Variants in LRCH4 observed in about 807,000 individuals in gnomAD.
The protein encoded by LRCH4 is leucine-rich repeat and calponin homology domain-containing protein 4.
Under a neutral mutation model 81.2 loss-of-function variants are expected in LRCH4, and 56 were observed. That is an observed-to-expected ratio of 0.69 (90% CI 0.56 to 0.86). The LOEUF is 0.86. LRCH4 is among the 40% of genes least tolerant of loss of function. The pLI is 0.00. For missense variants in LRCH4, 895 were observed against 922.8 expected (o/e 0.97, Z 0.39); for synonymous variants, 442 against 409.7 (o/e 1.08, Z -0.95).
Position 100,574,427 on chromosome 7 carries a change from G to C in LRCH4, c.*680C>G, listed in dbSNP as rs1342912269. The C allele has an allele frequency of 1.3e-5, 2 of 154,206 alleles. No individual in the cohort carries two copies. Among genetic ancestry groups the C allele is most frequent in the East Asian group, 3.9e-4 (2 of 5,156 alleles). 9.6% of individuals were successfully genotyped at this position (154,206 alleles called of 1,614,324 possible). A position where few individuals can be genotyped will look rare whatever the true frequency, so the allele number is the denominator to read the frequency against. On this transcript the variant is annotated 3_prime_UTR_variant, in exon 18 of 18. Coordinates refer to ENST00000310300, the MANE Select transcript of LRCH4 (RefSeq NM_002319.5). The stretch of plus-strand genomic sequence containing the variant: ...CTTCCGGCCTGTGGCAGGGGGTCGG[G>C]GGCAGACCCGAGCATCACCGTGCGC...
At position 100,574,125 on chromosome 7, in the gene LRCH4, C is replaced by T. The variant is rs928081279; in HGVS notation, c.*982G>A. On this transcript the variant is annotated 3_prime_UTR_variant, in exon 18 of 18. Coordinates refer to ENST00000310300, the MANE Select transcript of LRCH4 (RefSeq NM_002319.5). Reference sequence around the variant, plus strand: ...CCCTCGACCCCAGAGGCAGCCAGGCCGGCAGGCCAAGGGTGCCCAGGCCCA... The same window carrying T: ...CCCTCGACCCCAGAGGCAGCCAGGCTGGCAGGCCAAGGGTGCCCAGGCCCA... 2 of 154,678 alleles carry T rather than the reference C, an allele frequency of 1.3e-5. No individual in the cohort carries two copies. Among genetic ancestry groups the T allele is most frequent in the African/African-American group, 2.4e-5 (1 of 41,470 alleles). 9.6% of individuals were successfully genotyped at this position (154,678 alleles called of 1,614,324 possible). A position where few individuals can be genotyped will look rare whatever the true frequency, so the allele number is the denominator to read the frequency against.
At position 100,575,890 on chromosome 7, in the gene LRCH4, T is replaced by C; in HGVS notation, c.1757A>G (p.His586Arg). ...QLRPRSVPFI[H>R]VPSPAVPKLS... The stretch of plus-strand genomic sequence containing the variant: ...ACTGACCACAGCAGGGGAGGGCACA[T>C]GGATGAAGGGCACGGAGCGCGGCCG... The change falls in exon 16 of 18, where the codon CAT becomes CGT. Residue 586 changes from histidine (H) to arginine (R), a missense_variant. Around this residue, in one of 3 missense-constraint regions of LRCH4, gnomAD observed 529 missense variants for 504.9 expected, o/e 1.05. Coordinates refer to ENST00000310300, the MANE Select transcript of LRCH4 (RefSeq NM_002319.5). This position sits in a 1 kb window ranked among gnomAD's most constrained non-coding sequence, Gnocchi z 5.3. 1 of 1,613,498 alleles carries C rather than the reference T, an allele frequency of 6.2e-7. No homozygotes were observed. Among genetic ancestry groups the C allele is most frequent in the Non-Finnish European group, 8.5e-7 (1 of 1,179,738 alleles).
intron 13 of LRCH4, 32 bp from the exon 14 acceptor site, chr7:100,576,809 G>T (rs1213244745): frequency 2.6e-6 from 4 of 1,557,880 alleles, no homozygotes; most frequent in Non-Finnish European, 3.5e-6. Context: ...CAGCGACAGG[G>T]GCAGGTGAGA....
chr7:100,584,844 C>G (rs1297709859), intron 1 of LRCH4: 1 of 452,288 alleles, frequency 2.2e-6, no homozygotes, highest in African/African-American at 2.0e-5. Context: ...GGTCCCCCAC[C>G]GTGCAGATGA....
At chr7:100,584,211 C>A (rs189626695) in intron 1 of LRCH4, 354 of 456,514 alleles carry the variant, frequency 7.8e-4, no homozygotes, top group Non-Finnish European at 1.3e-3. Context: ...GTATGGGCAA[C>A]TGTATGTTTT....
At position 100,582,418 on chromosome 7, in the gene LRCH4, A is replaced by T; in HGVS notation, c.262T>A (p.Cys88Ser). The part of the protein sequence containing the change: ...NRFPEVPEAA[C>S]QLVSLEGLSL... Reference sequence around the variant, plus strand: ...AGGCCCTCCAGGGACACCAGCTGGCACGCCGCCTCGGGCACCTCGGGAAAC... The same window carrying T: ...AGGCCCTCCAGGGACACCAGCTGGCTCGCCGCCTCGGGCACCTCGGGAAAC... The change falls in exon 2 of 18, where the codon TGC becomes AGC. Residue 88 changes from cysteine to serine, a missense_variant. Coordinates refer to ENST00000310300, the MANE Select transcript of LRCH4 (RefSeq NM_002319.5). The surrounding 1 kb of genome is among the most constrained non-coding windows in gnomAD (Gnocchi z 5.0). 3 of 1,613,096 alleles carry T rather than the reference A, an allele frequency of 1.9e-6. No homozygotes were observed. Among genetic ancestry groups the T allele is most frequent in the Non-Finnish European group, 2.5e-6 (3 of 1,179,964 alleles).
In LRCH4 at chr7:100,584,889, G is replaced by A. The variant is rs59009660; in HGVS notation, c.220+992C>T. On this transcript the variant is annotated intron_variant, in intron 1 of 17. Transcript: ENST00000310300. ...GAGGCCTGGGCTGGGGTGAGGCTTCGGGAATGCAGTCCTCCTCCCTGATCC... is the reference window on the plus strand; with the variant it reads ...GAGGCCTGGGCTGGGGTGAGGCTTCAGGAATGCAGTCCTCCTCCCTGATCC... 1,086 of 416,132 alleles carry A rather than the reference G, an allele frequency of 2.6e-3. 16 individuals carry two copies. Among genetic ancestry groups the A allele is most frequent in the African/African-American group, 0.019 (960 of 49,318 alleles). 25.8% of individuals were successfully genotyped at this position (416,132 alleles called of 1,614,324 possible).
chr7:100,576,886 A>T lies in LRCH4; in HGVS notation c.1468+16T>A, dbSNP rs768691471. On this transcript the variant is annotated intron_variant, in intron 13 of 17. Coordinates refer to ENST00000310300, the MANE Select transcript of LRCH4 (RefSeq NM_002319.5). ...CCAACACAGGCCCCATCCTCCTCCC[A>T]AAATCCCTGTCCCACCTGGTCCAGC... 190 of 1,543,782 alleles carry T rather than the reference A, an allele frequency of 1.2e-4. 4 individuals carry two copies. The South Asian group carries it at 2.1e-3, about 17-fold the overall frequency.
At position 100,586,088 on chromosome 7, in the gene LRCH4, C is replaced by G. The variant is rs1176674621; in HGVS notation, c.13G>C (p.Val5Leu). MAAA[V>L]AAPLAAGGEE... Reference sequence around the variant, plus strand: ...CCCCCGGCGGCGAGTGGAGCCGCTACGGCCGCCGCCATCCGCTCCCGGCGG... The same window carrying G: ...CCCCCGGCGGCGAGTGGAGCCGCTAGGGCCGCCGCCATCCGCTCCCGGCGG... The change falls in exon 1 of 18, where the codon GTA becomes CTA. Residue 5 changes from valine to leucine, a missense_variant. Around this residue, in one of 3 missense-constraint regions of LRCH4, gnomAD observed 360 missense variants for 397.0 expected, o/e 0.91. Coordinates refer to ENST00000310300, the MANE Select transcript of LRCH4 (RefSeq NM_002319.5). The G allele has an allele frequency of 6.5e-7, 1 of 1,528,366 alleles. No individual in the cohort carries two copies. The highest frequency in any genetic ancestry group is 1.2e-5 in the South Asian group (1 of 82,964). 94.7% of individuals were successfully genotyped at this position (1,528,366 alleles called of 1,614,324 possible). A position where few individuals can be genotyped will look rare whatever the true frequency, so the allele number is the denominator to read the frequency against.
At position 100,586,112 on chromosome 7, in the gene LRCH4, G is replaced by A. The variant is rs1341601963; in HGVS notation, c.-12C>T. The A allele has an allele frequency of 7.9e-6, 12 of 1,509,878 alleles. No homozygotes were observed. Among genetic ancestry groups the A allele is most frequent in the Non-Finnish European group, 1.1e-5 (12 of 1,124,790 alleles). 93.5% of individuals were successfully genotyped at this position (1,509,878 alleles called of 1,614,324 possible). A position where few individuals can be genotyped will look rare whatever the true frequency, so the allele number is the denominator to read the frequency against. On this transcript the variant is annotated 5_prime_UTR_variant, in exon 1 of 18. Coordinates refer to ENST00000310300, the MANE Select transcript of LRCH4 (RefSeq NM_002319.5). The stretch of plus-strand genomic sequence containing the variant: ...ACGGCCGCCGCCATCCGCTCCCGGC[G>A]GCTCCCGCTGCCTGACTGACGGGAC...
chr7:100,577,582 C>T lies in LRCH4; in HGVS notation c.1117-24G>A, dbSNP rs1384345586. The T allele has an allele frequency of 6.2e-7, 1 of 1,611,346 alleles. No homozygotes were observed. The highest frequency in any genetic ancestry group is 1.3e-5 in the African/African-American group (1 of 74,918). On this transcript the variant is annotated intron_variant, in intron 9 of 17. Coordinates refer to ENST00000310300, the MANE Select transcript of LRCH4 (RefSeq NM_002319.5). The surrounding 1 kb of genome is among the most constrained non-coding windows in gnomAD (Gnocchi z 6.7). Reference sequence around the variant, plus strand: ...TCCTAAGGAGAGAACAGCAGAGCAGCTGAGGGCAGGCCTGTGCCCACGCCT... The same window carrying T: ...TCCTAAGGAGAGAACAGCAGAGCAGTTGAGGGCAGGCCTGTGCCCACGCCT...
rs1419906699 is a variant in LRCH4, at chr7:100,578,024, C to G, written c.949-112G>C. The G allele has an allele frequency of 6.2e-6, 8 of 1,298,068 alleles. No homozygotes were observed. Among genetic ancestry groups the G allele is most frequent in the African/African-American group, 1.5e-5 (1 of 68,098 alleles). The allele number at this position is 1,298,068 out of a possible 1,614,324, so 80.4% of individuals were successfully genotyped here. ...GGGTCTCTGCTGAGCCAGCCCTTCC[C>G]TGGGATGCTGGGCAGAGGGAAGGAA... On this transcript the variant is annotated intron_variant, in intron 7 of 17. Transcript: ENST00000310300. The surrounding 1 kb of genome is among the most constrained non-coding windows in gnomAD (Gnocchi z 5.7).
Position 100,578,711 on chromosome 7 carries a change from C to T in LRCH4, c.674G>A (p.Arg225His), listed in dbSNP as rs372575327. The T allele has an allele frequency of 7.4e-6, 12 of 1,614,006 alleles. No homozygotes were observed. The highest frequency in any genetic ancestry group is 1.7e-4 in the Middle Eastern group (1 of 6,056). Residue 225 changes from arginine to histidine, a missense_variant, in exon 5 of 18, where the codon CGC becomes CAC. Coordinates refer to ENST00000310300, the MANE Select transcript of LRCH4 (RefSeq NM_002319.5). The surrounding 1 kb of genome is among the most constrained non-coding windows in gnomAD (Gnocchi z 5.7). ...RVSRIPVSFC[R>H]LRHLQVILLD... ...CAGAATGACCTGCAGGTGCCTCAGG[C>T]GGCAGAAGGAGACTGGGATTCGGGA...
chr7:100,585,797 G>A lies in LRCH4; in HGVS notation c.220+84C>T, dbSNP rs913467217. 6 of 1,393,212 alleles carry A rather than the reference G, an allele frequency of 4.3e-6. No homozygotes were observed. The African/African-American group carries it at 6.0e-5, about 14-fold the overall frequency. The allele number at this position is 1,393,212 out of a possible 1,614,324, so 86.3% of individuals were successfully genotyped here. On this transcript the variant is annotated intron_variant, in intron 1 of 17. Transcript: ENST00000310300. ...CCCTGGCCGCCAGGTGAAGGGGCGGGCCCGACTCCCGGGCCGGGCGGGGCC... is the reference window on the plus strand; with the variant it reads ...CCCTGGCCGCCAGGTGAAGGGGCGGACCCGACTCCCGGGCCGGGCGGGGCC...
At position 100,575,192 on chromosome 7, in the gene LRCH4, G is replaced by C. The variant is rs766041503; in HGVS notation, c.1967C>G (p.Pro656Arg). ...GGKALPPLWP[P>R]SGLGGFVVFY... ...GACGACGAAGCCGCCCAGACCAGAG[G>C]GGGGCCAGAGGGGCGGTAGGGCCTT... The change falls in exon 18 of 18, where the codon CCC becomes CGC. Residue 656 changes from proline (P) to arginine (R), a missense_variant. By Grantham distance (103) the Pro-to-Arg change is moderately radical. This residue lies in a region of LRCH4 where 529 missense variants were observed against 504.9 expected (regional missense o/e 1.05). Coordinates refer to ENST00000310300, the MANE Select transcript of LRCH4 (RefSeq NM_002319.5). The surrounding 1 kb of genome is among the most constrained non-coding windows in gnomAD (Gnocchi z 5.3). 117 of 1,612,832 alleles carry C rather than the reference G, an allele frequency of 7.3e-5. No individual in the cohort carries two copies. The highest frequency in any genetic ancestry group is 1.6e-4 in the East Asian group (7 of 44,868).
At position 100,579,005 on chromosome 7, in the gene LRCH4, G is replaced by A. The variant is rs1008900957; in HGVS notation, c.599-219C>T. Reference sequence around the variant, plus strand: ...GAGCCTCCCTGAGAGGGCCCATCTGGACGTCAGCTCAGCTTCCCCGGGAAG... The same window carrying A: ...GAGCCTCCCTGAGAGGGCCCATCTGAACGTCAGCTCAGCTTCCCCGGGAAG... On this transcript the variant is annotated intron_variant, in intron 4 of 17. Transcript: ENST00000310300. 142 of 566,884 alleles carry A rather than the reference G, an allele frequency of 2.5e-4. 1 individual carries two copies. Among genetic ancestry groups the A allele is most frequent in the Non-Finnish European group, 1.9e-4 (61 of 321,826 alleles). 35.1% of individuals were successfully genotyped at this position (566,884 alleles called of 1,614,324 possible). A position where few individuals can be genotyped will look rare whatever the true frequency, so the allele number is the denominator to read the frequency against.
chr7:100,574,632 G>GCGCACGCACACACACA lies in LRCH4; in HGVS notation c.*474_*475insTGTGTGTGTGCGTGCG, dbSNP rs200891670. 6.6e-6 allele frequency: 1 copy of GCGCACGCACACACACA among 151,928 alleles called. No individual in the cohort carries two copies. The allele number at this position is 151,928 out of a possible 1,614,324, so 9.4% of individuals were successfully genotyped here. A position where few individuals can be genotyped will look rare whatever the true frequency, so the allele number is the denominator to read the frequency against. The stretch of plus-strand genomic sequence containing the variant: ...ACGCGGAGCAGACGCGCGCGCGCGC[G>GCGCACGCACACACACA]CACACACACACACACAGGCAGGGCG... On this transcript the variant is annotated 3_prime_UTR_variant, in exon 18 of 18. Coordinates refer to ENST00000310300, the MANE Select transcript of LRCH4 (RefSeq NM_002319.5).
chr7:100,578,624 C>G lies in LRCH4; in HGVS notation c.735+26G>C. The G allele has an allele frequency of 6.2e-7, 1 of 1,609,636 alleles. No homozygotes were observed. The highest frequency in any genetic ancestry group is 8.5e-7 in the Non-Finnish European group (1 of 1,177,252). On this transcript the variant is annotated intron_variant, in intron 5 of 17. Transcript: ENST00000310300. This position sits in a 1 kb window ranked among gnomAD's most constrained non-coding sequence, Gnocchi z 5.7. The stretch of plus-strand genomic sequence containing the variant: ...TCCTGCCTAGCCACACCCCTGTCCT[C>G]GTGGCCCCCCAGGCACCCGCCTCAC...
At position 100,575,955 on chromosome 7, in the gene LRCH4, C is replaced by T. The variant is rs1389382333; in HGVS notation, c.1692G>A (p.Leu564=). ...RPLPEDLAEA[L]ASGVILCQLA... is the part of the protein sequence containing the mutation. ...GCTGGCACAGGATGACCCCACTGGC[C>T]AGAGCCTCGGCCAGGTCCTCAGGCA... Residue 564 remains leucine, a synonymous_variant, in exon 16 of 18, where the codon CTG becomes CTA. Transcript: ENST00000310300. This position sits in a 1 kb window ranked among gnomAD's most constrained non-coding sequence, Gnocchi z 5.3. 6.2e-7 allele frequency: 1 copy of T among 1,609,926 alleles called. No homozygotes were observed. Among genetic ancestry groups the T allele is most frequent in the Non-Finnish European group, 8.5e-7 (1 of 1,178,926 alleles).
Sources: gnomAD v4.1 joint callset for allele counts on GRCh38, gnomAD v4.1.1 for gene constraint, gnomAD v4.1.1 regional missense constraint, Gnocchi (gnomAD v3.1) non-coding constraint, MANE v1.5 for transcripts, NCBI Gene and HGNC (gene_info 2026-07-23, HGNC 2026-07-21) for gene names.